FGGY: variants seen among roughly 807,000 people sequenced by gnomAD.
The protein encoded by FGGY is FGGY carbohydrate kinase domain-containing protein.
FGGY carries 72 observed loss-of-function variants against 71.3 expected under a neutral mutation model. That is an observed-to-expected ratio of 1.01 (90% CI 0.84 to 1.23). The LOEUF (loss-of-function observed/expected upper bound fraction) is 1.23. Among genes scored for constraint, FGGY ranks in the 50% most tolerant of loss-of-function variants. The probability of loss-of-function intolerance (pLI) is 0.00; values close to 1 mark genes in which losing one functional copy is unlikely to be tolerated. For synonymous variants in FGGY, 251 were observed against 250.3 expected (o/e 1.00, Z -0.02); for missense variants, 668 against 682.3 (o/e 0.98, Z 0.23).
At position 59,343,295 on chromosome 1, in the gene FGGY, G is replaced by A. The variant is rs193090158; in HGVS notation, c.314-2952G>A. Among the ~76,000 whole-genome samples the A allele has an allele frequency of 6.2e-4, 94 of 152,306 alleles. 1 individual carries two copies. In the Middle Eastern group the frequency reaches 0.01, roughly 17 times the overall value. On this transcript the variant is annotated intron_variant, in intron 3 of 15. Coordinates refer to ENST00000303721, the MANE Select transcript of FGGY (RefSeq NM_018291.5). The stretch of plus-strand genomic sequence containing the variant: ...TTAGGTAAAGTGAGGTAGCTCAAAT[G>A]TAACTTTACCTCCAATTCTCTTAAA...
Position 59,498,202 on chromosome 1 carries a change from C to A in FGGY, c.671-14109C>A, listed in dbSNP as rs149092155. On this transcript the variant is annotated intron_variant, in intron 6 of 15. Coordinates refer to ENST00000303721, the MANE Select transcript of FGGY (RefSeq NM_018291.5). ...ATTTATTATCATTCAACTTTCACAA[C>A]CCTAAAATATGTGTATTTTACAAAT... Among the ~76,000 whole-genome samples the A allele has an allele frequency of 6.3e-4, 86 of 135,870 alleles. No individual in the cohort carries two copies. In the East Asian group the frequency reaches 0.017, roughly 27 times the overall value. The allele number at this position is 135,870 out of a possible 152,430, so 89.1% of individuals were successfully genotyped here.
chr1:59,556,995 G>C (rs978673056), intron 8 of FGGY, among the ~76,000 whole-genome samples: 1 of 152,136 alleles, frequency 6.6e-6, no homozygotes, highest in Admixed American at 6.5e-5. Flanking sequence ...TCTGGGCCAA[G>C]GGGATTAATC....
intron 2 of FGGY, among the ~76,000 whole-genome samples, chr1:59,330,677 G>T (rs1461161060): frequency 1.3e-5 from 2 of 152,166 alleles, no homozygotes; most frequent in African/African-American, 2.4e-5. Context: ...ACTCTTAAGA[G>T]AAGACAATTG....
chr1:59,422,217 G>A (rs1164130045), intron 5 of FGGY, among the ~76,000 whole-genome samples: 1 of 152,182 alleles, frequency 6.6e-6, no homozygotes, highest in Non-Finnish European at 1.5e-5. Flanking sequence ...CTAAATATCT[G>A]TAATTTTATC....
chr1:59,430,696 T>C (rs2067195258), intron 5 of FGGY, among the ~76,000 whole-genome samples: 2 of 152,228 alleles, frequency 1.3e-5, no homozygotes, highest in Admixed American at 6.5e-5. Flanking sequence ...GTTTTCCATT[T>C]GCTAGTAGAG....
rs80286828 is a variant in FGGY at position 59,498,795 on chromosome 1, G to A, written c.671-13516G>A. Among the ~76,000 whole-genome samples the A allele has an allele frequency of 5.1e-3, 780 of 152,258 alleles. 6 individuals are homozygous for A. Among genetic ancestry groups the A allele is most frequent in the African/African-American group, 0.018 (733 of 41,564 alleles). On this transcript the variant is annotated intron_variant, in intron 6 of 15. Transcript: ENST00000303721. ...TCATGTTTTGAATCTTTCTCTGCTCGATTTCCACGTCAACATGAGTGAGGG... is the reference window on the plus strand; with the variant it reads ...TCATGTTTTGAATCTTTCTCTGCTCAATTTCCACGTCAACATGAGTGAGGG...
At chr1:59,552,923 A>G (rs961694531) in intron 7 of FGGY, among the ~76,000 whole-genome samples, 1 of 152,170 alleles carries the variant, frequency 6.6e-6, no homozygotes, top group African/African-American at 2.4e-5. Context: ...TATAGAAGGG[A>G]GGCAGATGGG....
At chr1:59,611,175 A>G (rs150237956) in intron 9 of FGGY, among the ~76,000 whole-genome samples, 181 of 152,346 alleles carry the variant, frequency 1.2e-3, no homozygotes, top group African/African-American at 4.2e-3. Flanking sequence ...TGGTTCTCCC[A>G]GCACAGGGAT....
At chr1:59,449,576 C>A (rs1470779882) in intron 5 of FGGY, among the ~76,000 whole-genome samples, 1 of 152,224 alleles carries the variant, frequency 6.6e-6, no homozygotes, top group Non-Finnish European at 1.5e-5. Context: ...AGCCACCACA[C>A]CCAGCCTGCA....
At chr1:59,694,157 C>CG (rs1247512732) in intron 14 of FGGY, among the ~76,000 whole-genome samples, 17 of 145,610 alleles carry the variant, frequency 1.2e-4, no homozygotes, top group African/African-American at 4.4e-4. Context: ...GGCACAGTGG[C>CG]GGGCGCCTGT....
At chr1:59,735,293 G>C (rs6587869) in intron 14 of FGGY, among the ~76,000 whole-genome samples, 142,595 of 152,220 alleles carry the variant, frequency 0.94, 67,510 homozygotes, top group East Asian at 1. Flanking sequence ...CCTCCTTCCT[G>C]CTTTAGTTAA....
chr1:59,600,553 A>G (rs971436337), intron 8 of FGGY, among the ~76,000 whole-genome samples: 2 of 152,332 alleles, frequency 1.3e-5, no homozygotes, highest in Admixed American at 1.3e-4. Flanking sequence ...CGAAGCTAAT[A>G]ATGAGTAGAG....
chr1:59,637,109 C>A (rs974428088), intron 10 of FGGY, among the ~76,000 whole-genome samples: 1 of 152,078 alleles, frequency 6.6e-6, no homozygotes. Flanking sequence ...TGTGATTTAA[C>A]CCGGTGAGGT....
chr1:59,505,802 G>A (rs1274418962), intron 6 of FGGY, among the ~76,000 whole-genome samples: 3 of 152,112 alleles, frequency 2.0e-5, no homozygotes, highest in African/African-American at 7.2e-5. Flanking sequence ...CAGGAAAGAG[G>A]ATTATGTGTG....
intron 7 of FGGY, among the ~76,000 whole-genome samples, chr1:59,524,553 C>G (rs1047298785): frequency 6.6e-6 from 1 of 152,170 alleles, no homozygotes; most frequent in Non-Finnish European, 1.5e-5. Flanking sequence ...CTTCTGAGCC[C>G]GTAAAAATCC....
chr1:59,587,539 G>A (rs1053680929), intron 8 of FGGY, among the ~76,000 whole-genome samples: 1 of 152,140 alleles, frequency 6.6e-6, no homozygotes, highest in Non-Finnish European at 1.5e-5. Context: ...TAACTGGGAG[G>A]CACCCCCCAG....
chr1:59,532,537 A>T (rs1236501514), intron 7 of FGGY, among the ~76,000 whole-genome samples: 3 of 152,184 alleles, frequency 2.0e-5, no homozygotes, highest in African/African-American at 7.2e-5. Flanking sequence ...AATTAATGCA[A>T]TTCCATATTA....
At chr1:59,416,116 A>T (rs1202217579) in intron 5 of FGGY, among the ~76,000 whole-genome samples, 1 of 152,202 alleles carries the variant, frequency 6.6e-6, no homozygotes, top group African/African-American at 2.4e-5. Flanking sequence ...ATCAGTTAGG[A>T]ATGCTTTCAG....
At chr1:59,435,314 C>T (rs1450932950) in intron 5 of FGGY, among the ~76,000 whole-genome samples, 2 of 152,180 alleles carry the variant, frequency 1.3e-5, no homozygotes, top group Non-Finnish European at 2.9e-5. Flanking sequence ...ACAAAGGAAA[C>T]ACAGAAGCCC....
Sources: gnomAD v4.1 joint callset for allele counts (sites outside exome capture counted in the v4.1 genomes callset) on GRCh38, gnomAD v4.1.1 for gene constraint, MANE v1.5 for transcripts, NCBI Gene and HGNC (gene_info 2026-07-23, HGNC 2026-07-21) for gene names.